DLG5: variants seen among roughly 807,000 people sequenced by gnomAD.
The protein encoded by DLG5 is discs large MAGUK scaffold protein 5.
A neutral mutation model predicts 189.8 loss-of-function variants in DLG5; 48 were observed. That is an observed-to-expected ratio of 0.25 (90% CI 0.20 to 0.32). The LOEUF is 0.32. DLG5 is among the 10% of genes least tolerant of loss of function. DLG5 has a pLI of 1.00. For missense variants in DLG5, 2,160 were observed against 2,544.7 expected, an observed-to-expected ratio of 0.85 and a Z score of 3.25; for synonymous variants, 1,016 against 1,054.1, an observed-to-expected ratio of 0.96 and a Z score of 0.70.
intron 18 of DLG5, 139 bp from the exon 19 acceptor site, chr10:77,817,235 G>T: frequency 1.3e-6 from 1 of 753,558 alleles, no homozygotes. Context: ...CCTTGATATG[G>T]AACAGTCAAG....
rs539984791 is a variant in DLG5 at position 77,863,972 on chromosome 10, G to A, written c.373+5157C>T. 1.1e-3 allele frequency among the ~76,000 whole-genome samples: 162 copies of A among 152,278 alleles called. 1 individual carries two copies. Among genetic ancestry groups the A allele is most frequent in the Non-Finnish European group, 3.1e-4 (21 of 68,018 alleles). On this transcript the variant is annotated intron_variant, in intron 2 of 31. Coordinates refer to ENST00000372391, the MANE Select transcript of DLG5 (RefSeq NM_004747.4). ...GGACAGAAGGAAGGGGCTCAGAGCCGTCCCAACACAACCCATCTCAGTCTC... is the reference window on the plus strand; with the variant it reads ...GGACAGAAGGAAGGGGCTCAGAGCCATCCCAACACAACCCATCTCAGTCTC...
At chr10:77,804,435 C>T (rs969506026) in intron 27 of DLG5, among the ~76,000 whole-genome samples, 1 of 152,224 alleles carries the variant, frequency 6.6e-6, no homozygotes, top group Admixed American at 6.5e-5. Flanking sequence ...CCATGAACTA[C>T]AGTGTGATCC....
chr10:77,800,445 G>A (rs1350942342), intron 27 of DLG5, among the ~76,000 whole-genome samples: 1 of 152,062 alleles, frequency 6.6e-6, no homozygotes, highest in Non-Finnish European at 1.5e-5. Context: ...GAGGGGCAGA[G>A]AACCCAGGCA....
At chr10:77,873,037 A>G (rs982117655) in intron 1 of DLG5, among the ~76,000 whole-genome samples, 18 of 145,588 alleles carry the variant, frequency 1.2e-4, no homozygotes, top group East Asian at 1.1e-3. Flanking sequence ...GTGTGCACAC[A>G]CACACACACA....
intron 17 of DLG5, among the ~76,000 whole-genome samples, chr10:77,818,423 A>G (rs1432506050): frequency 1.3e-5 from 2 of 152,168 alleles, no homozygotes; most frequent in Admixed American, 6.6e-5. Context: ...TAAACTCTAC[A>G]GTGGTCTCCA....
intron 13 of DLG5, among the ~76,000 whole-genome samples, chr10:77,826,454 C>T (rs1842644897): frequency 6.6e-6 from 1 of 151,846 alleles, no homozygotes; most frequent in Non-Finnish European, 1.5e-5. Context: ...GGTGAAACCC[C>T]CATCTCTACT....
At chr10:77,797,346 G>A (rs370720780) in intron 27 of DLG5, among the ~76,000 whole-genome samples, 9 of 152,166 alleles carry the variant, frequency 5.9e-5, no homozygotes, top group East Asian at 1.9e-4. Flanking sequence ...TCTTCCTGGC[G>A]TCTCCCTGGT....
chr10:77,909,411 G>A (rs933991239), intron 1 of DLG5, among the ~76,000 whole-genome samples: 10 of 152,218 alleles, frequency 6.6e-5, no homozygotes, highest in Admixed American at 3.9e-4. Flanking sequence ...TGTAGATGAC[G>A]GGTTGATGGG....
chr10:77,938,901 C>T, the DLG5 span, among the ~76,000 whole-genome samples: 2 of 152,186 alleles, frequency 1.3e-5, no homozygotes, highest in Non-Finnish European at 2.9e-5. Flanking sequence ...AAAACTGCCC[C>T]TATCAGGCCC....
chr10:77,900,926 CTCCG>C (rs1347944611), intron 1 of DLG5, among the ~76,000 whole-genome samples: 14 of 151,912 alleles, frequency 9.2e-5, no homozygotes, highest in Non-Finnish European at 2.1e-4. Context: ...CAGAGCGAGA[CTCCG>C]TCTCAAGTAA....
At chr10:77,861,754 A>G (rs193181134) in intron 2 of DLG5, among the ~76,000 whole-genome samples, 2 of 152,306 alleles carry the variant, frequency 1.3e-5, no homozygotes, top group East Asian at 3.9e-4. Flanking sequence ...TCCCATGCAC[A>G]CTCAGCTCTG....
intron 7 of DLG5, among the ~76,000 whole-genome samples, chr10:77,840,959 A>G (rs570628649): frequency 1.3e-5 from 2 of 152,288 alleles, no homozygotes; most frequent in African/African-American, 4.8e-5. Context: ...AGCCCTGCCA[A>G]TCTGCCTGAC....
In DLG5 at chr10:77,819,430, C is replaced by T. The variant is rs746448442; in HGVS notation, c.3562G>A (p.Val1188Met). Residue 1188 changes from valine (V) to methionine (M), a missense_variant, in exon 17 of 32, where the codon GTG (valine) becomes ATG (methionine). Physicochemically the swap from Val to Met is conservative, Grantham distance 21 (BLOSUM62 1). Around this residue, in one of 5 missense-constraint regions of DLG5, gnomAD observed 754 missense variants for 746.5 expected, o/e 1.01. Coordinates refer to ENST00000372391, the MANE Select transcript of DLG5 (RefSeq NM_004747.4). ...ATGGGGTTCCGCAGGATGGAGCTCACAGTGGTGCTGGGGGTCAAACTCCGG... is the reference window on the plus strand; with the variant it reads ...ATGGGGTTCCGCAGGATGGAGCTCATAGTGGTGCTGGGGGTCAAACTCCGG... ...VPRSLTPSTT[V>M]SSILRNPIYT... The T allele has an allele frequency of 1.9e-6, 3 of 1,613,720 alleles. No individual in the cohort carries two copies. The highest frequency in any genetic ancestry group is 3.3e-5 in the Admixed American group (2 of 60,004).
intron 5 of DLG5, among the ~76,000 whole-genome samples, chr10:77,851,879 C>T (rs1473972820): frequency 6.6e-6 from 1 of 152,180 alleles, no homozygotes; most frequent in Admixed American, 6.5e-5. Flanking sequence ...TAGGGCAGGT[C>T]GCCCCAGAGG....
chr10:77,838,136 C>A (rs1469832646), intron 7 of DLG5, among the ~76,000 whole-genome samples: 2 of 152,206 alleles, frequency 1.3e-5, no homozygotes, highest in Admixed American at 1.3e-4. Context: ...GTCTATCCAC[C>A]ACAGCTGAGC....
chr10:77,812,430 G>A, intron 20 of DLG5, 53 bp from the exon 21 acceptor site: 1 of 1,581,254 alleles, frequency 6.3e-7, no homozygotes, highest in Non-Finnish European at 8.6e-7. Context: ...AAGGGTTGGG[G>A]AGAGCCTGAG....
chr10:77,937,868 C>A, the DLG5 span, among the ~76,000 whole-genome samples: 63 of 140,274 alleles, frequency 4.5e-4, 1 homozygote, highest in African/African-American at 1.6e-3. Flanking sequence ...CAGGTGCACT[C>A]AGCTAATTTT....
At chr10:77,828,536 T>C (rs1842753628) in intron 13 of DLG5, among the ~76,000 whole-genome samples, 1 of 145,770 alleles carries the variant, frequency 6.9e-6, no homozygotes, top group South Asian at 2.2e-4. Flanking sequence ...CTACAGGTGG[T>C]ACCAAAGCAA....
rs771936136 is a variant in DLG5, at chr10:77,869,098, C to T, written c.373+31G>A. 8 of 1,605,936 alleles carry T rather than the reference C, an allele frequency of 5.0e-6. No individual in the cohort carries two copies. The East Asian group carries it at 6.7e-5, about 13-fold the overall frequency. On this transcript the variant is annotated intron_variant, in intron 2 of 31. Coordinates refer to ENST00000372391, the MANE Select transcript of DLG5 (RefSeq NM_004747.4). ...GGCTTTCACCCAGACCCCTGGCCCACCCGGTGTCCTCCCCAGACAGTGGTA... is the reference window on the plus strand; with the variant it reads ...GGCTTTCACCCAGACCCCTGGCCCATCCGGTGTCCTCCCCAGACAGTGGTA...
Sources: allele counts gnomAD v4.1 joint callset (sites outside exome capture counted in the v4.1 genomes callset), GRCh38; gene constraint gnomAD v4.1.1; regional missense constraint gnomAD v4.1.1; transcripts MANE v1.5; gene names NCBI Gene and HGNC (gene_info 2026-07-23, HGNC 2026-07-21).